The following BMPR1B variants were observed in gnomAD, a reference collection of about 807,000 sequenced individuals.
BMPR1B encodes the protein bone morphogenetic protein receptor type 1B, also known as bone morphogenetic protein receptor type-1B.
A neutral mutation model predicts 59.1 loss-of-function variants in BMPR1B; 12 were observed. The ratio of observed to expected loss-of-function variants is 0.20; its 90% CI spans 0.13 to 0.33. The LOEUF (loss-of-function observed/expected upper bound fraction) is 0.33. BMPR1B is among the 10% of genes least tolerant of loss of function. The pLI is 1.00. For missense variants in BMPR1B, 550 were observed against 610.9 expected (o/e 0.90, Z 1.05); for synonymous variants, 237 against 207.3 (o/e 1.14, Z -1.23).
rs186069761 is a variant in BMPR1B, at chr4:94,953,432, A to G, written c.-112-42608A>G. ...CCTTTCCATATTTACTGCTTCCTTC[A>G]GGAGCTCTTGTAAGGCAGGCCTGGT... On this transcript the variant is annotated intron_variant, in intron 2 of 12. Transcript: ENST00000515059. 7.9e-3 allele frequency among the ~76,000 whole-genome samples: 1,203 copies of G among 152,170 alleles called. 15 individuals carry two copies. The highest frequency in any genetic ancestry group is 0.027 in the African/African-American group (1,134 of 41,502).
In BMPR1B at chr4:94,834,985, G is replaced by T. The variant is rs1027520524; in HGVS notation, c.-182-40846G>T. Among the ~76,000 whole-genome samples, 184 of 150,874 alleles carry T rather than the reference G, an allele frequency of 1.2e-3. 2 individuals carry two copies. Among genetic ancestry groups the T allele is most frequent in the Non-Finnish European group, 2.4e-4 (16 of 67,806 alleles). ...TTTTGAAAATATCCTTCAAAGATAGGGAGTAGTCTTTTCACTTTGACAGGG... is the reference window on the plus strand; with the variant it reads ...TTTTGAAAATATCCTTCAAAGATAGTGAGTAGTCTTTTCACTTTGACAGGG... On this transcript the variant is annotated intron_variant, in intron 1 of 12. Transcript: ENST00000515059.
At chr4:95,113,824 C>G (rs1018506741) in intron 4 of BMPR1B, among the ~76,000 whole-genome samples, 7 of 152,074 alleles carry the variant, frequency 4.6e-5, no homozygotes, top group African/African-American at 1.7e-4. Context: ...GTTCTTTGAT[C>G]TTGTACAAGT....
chr4:95,032,291 G>A (rs1347549019), intron 3 of BMPR1B, among the ~76,000 whole-genome samples: 4 of 151,970 alleles, frequency 2.6e-5, no homozygotes, highest in African/African-American at 9.7e-5. Flanking sequence ...GCATGCACAG[G>A]TGTGAGCAAG....
At chr4:94,865,244 C>T (rs112214080) in intron 1 of BMPR1B, among the ~76,000 whole-genome samples, 5,792 of 151,642 alleles carry the variant, frequency 0.038, 355 homozygotes, top group African/African-American at 0.13. Flanking sequence ...GCCAACCTTG[C>T]GGTCTGCCCA....
chr4:94,840,763 T>C (rs7665394), intron 1 of BMPR1B, among the ~76,000 whole-genome samples: 83,271 of 139,682 alleles, frequency 0.6, 27,671 homozygotes, highest in African/African-American at 0.78. Context: ...TCTCTCAACT[T>C]GTCAAAGTCG....
intron 2 of BMPR1B, among the ~76,000 whole-genome samples, chr4:94,938,192 G>A (rs569921658): frequency 6.6e-6 from 1 of 152,208 alleles, no homozygotes; most frequent in South Asian, 2.1e-4. Flanking sequence ...GTCCTCTTAT[G>A]TGTGTTTTGT....
intron 11 of BMPR1B, among the ~76,000 whole-genome samples, chr4:95,152,428 A>G (rs941742413): frequency 1.3e-5 from 2 of 152,188 alleles, no homozygotes; most frequent in Admixed American, 1.3e-4. Context: ...TTGAAGACCT[A>G]TGACAATATT....
chr4:95,079,023 T>C (rs1332690681), intron 3 of BMPR1B, among the ~76,000 whole-genome samples: 1 of 152,184 alleles, frequency 6.6e-6, no homozygotes, highest in South Asian at 2.1e-4. Context: ...CGTCCCAAAG[T>C]GCTGGGATTA....
At chr4:95,068,094 C>T (rs1727985486) in intron 3 of BMPR1B, among the ~76,000 whole-genome samples, 1 of 152,122 alleles carries the variant, frequency 6.6e-6, no homozygotes, top group Admixed American at 6.5e-5. Context: ...GGGTAGTGAG[C>T]AGCTAAGTTG....
chr4:94,926,056 T>TCC (rs112926290), intron 2 of BMPR1B, among the ~76,000 whole-genome samples: 6 of 40,152 alleles, frequency 1.5e-4, no homozygotes, highest in African/African-American at 3.0e-4. Flanking sequence ...CTACCCTCCC[T>TCC]CCCCCCCAAT....
chr4:95,106,192 G>T lies in BMPR1B; in HGVS notation c.143+1625G>T, dbSNP rs983949878. Among the ~76,000 whole-genome samples, 4 of 151,880 alleles carry T rather than the reference G, an allele frequency of 2.6e-5. No homozygotes were observed. The East Asian group carries it at 7.8e-4, about 29-fold the overall frequency. Reference sequence around the variant, plus strand: ...ATAGTGGTAGGAGCTGAGACAGGAGGTATAGTGACTGTGACCTGGTGGGCT... The same window carrying T: ...ATAGTGGTAGGAGCTGAGACAGGAGTTATAGTGACTGTGACCTGGTGGGCT... On this transcript the variant is annotated intron_variant, in intron 4 of 12. Transcript: ENST00000515059.
At chr4:95,057,012 T>C (rs1726979199) in intron 3 of BMPR1B, among the ~76,000 whole-genome samples, 1 of 152,240 alleles carries the variant, frequency 6.6e-6, no homozygotes, top group South Asian at 2.1e-4. Context: ...ATGGTACATA[T>C]CATAATTTAT....
At chr4:94,976,322 C>A (rs570596467) in intron 2 of BMPR1B, among the ~76,000 whole-genome samples, 269 of 152,284 alleles carry the variant, frequency 1.8e-3, no homozygotes, top group African/African-American at 5.5e-3. Context: ...CAGATAGCTT[C>A]ATTTATGCCA....
rs1051754987 is a variant in BMPR1B at position 95,155,451 on chromosome 4, C to T, written c.*778C>T. On this transcript the variant is annotated 3_prime_UTR_variant, in exon 13 of 13. Transcript: ENST00000515059. Reference sequence around the variant, plus strand: ...TTAGGCATCTCTTTCATGGTAAAACCCTTTTCATTAAACACAAAGAAAGCT... The same window carrying T: ...TTAGGCATCTCTTTCATGGTAAAACTCTTTTCATTAAACACAAAGAAAGCT... The T allele has an allele frequency of 7.6e-6, 1 of 131,508 alleles. No homozygotes were observed. Among genetic ancestry groups the T allele is most frequent in the Non-Finnish European group, 1.6e-5 (1 of 63,568 alleles). The allele number at this position is 131,508 out of a possible 1,614,324, so 8.1% of individuals were successfully genotyped here. A position where few individuals can be genotyped will look rare whatever the true frequency, so the allele number is the denominator to read the frequency against.
chr4:95,095,453 C>G (rs1730299181), intron 3 of BMPR1B, among the ~76,000 whole-genome samples: 1 of 152,038 alleles, frequency 6.6e-6, no homozygotes, highest in Non-Finnish European at 1.5e-5. Context: ...CAGTTCAGTA[C>G]TTTAAAATTT....
intron 1 of BMPR1B, among the ~76,000 whole-genome samples, chr4:94,841,590 C>G (rs976341614): frequency 6.6e-6 from 1 of 152,134 alleles, no homozygotes; most frequent in Non-Finnish European, 1.5e-5. Context: ...TTGCGCTTCC[C>G]GAGTGAGGCA....
At chr4:95,008,498 C>T (rs972952586) in intron 3 of BMPR1B, among the ~76,000 whole-genome samples, 3 of 152,138 alleles carry the variant, frequency 2.0e-5, no homozygotes, top group African/African-American at 7.2e-5. Context: ...TGTTACTACT[C>T]ACCTCATTCC....
intron 3 of BMPR1B, among the ~76,000 whole-genome samples, chr4:95,053,769 C>G (rs1726706231): frequency 6.6e-6 from 1 of 152,110 alleles, no homozygotes; most frequent in African/African-American, 2.4e-5. Context: ...TGAGGAATTA[C>G]TCTCCGTAAC....
At chr4:94,861,621 T>C (rs1004906346) in intron 1 of BMPR1B, among the ~76,000 whole-genome samples, 3 of 152,136 alleles carry the variant, frequency 2.0e-5, no homozygotes, top group Non-Finnish European at 2.9e-5. Flanking sequence ...ACAAAACATA[T>C]ACATATATGA....
Sources: gnomAD v4.1 joint callset for allele counts (sites outside exome capture counted in the v4.1 genomes callset) on GRCh38, gnomAD v4.1.1 for gene constraint, MANE v1.5 for transcripts, NCBI Gene and HGNC (gene_info 2026-07-23, HGNC 2026-07-21) for gene names.